Variants in TRIM2 observed in about 807,000 individuals in gnomAD.
The protein encoded by TRIM2 is tripartite motif containing 2, also known as tripartite motif-containing protein 2.
Under a neutral mutation model 75.2 loss-of-function variants are expected in TRIM2, and 20 were observed. The ratio of observed to expected loss-of-function variants is 0.27; its 90% CI spans 0.19 to 0.39. The LOEUF is 0.39. Among genes scored for constraint, TRIM2 ranks in the 10% least tolerant of loss-of-function variants. The probability of loss-of-function intolerance (pLI) is 1.00; values close to 1 mark genes in which losing one functional copy is unlikely to be tolerated. For missense variants in TRIM2, 660 were observed against 990.8 expected, an observed-to-expected ratio of 0.67 and a Z score of 4.48; for synonymous variants, 373 against 388.3, an observed-to-expected ratio of 0.96 and a Z score of 0.46.
intron 10 of TRIM2, among the ~76,000 whole-genome samples, chr4:153,326,991 A>G (rs1025733672): frequency 5.9e-4 from 90 of 151,944 alleles, no homozygotes; most frequent in Middle Eastern, 3.4e-3. Flanking sequence ...AAAAAAAAAA[A>G]AAAAAAAGAA....
chr4:153,172,955 G>C (rs11099874), intron 1 of TRIM2, among the ~76,000 whole-genome samples: 71,798 of 151,574 alleles, frequency 0.47, 17,143 homozygotes, highest in African/African-American at 0.53. Context: ...CAACCCCAGG[G>C]GGTTGGGAAG....
intron 1 of TRIM2, chr4:153,257,690 C>CAGCTACGCGGCAAT: frequency 2.1e-6 from 2 of 948,916 alleles, no homozygotes; most frequent in Non-Finnish European, 3.0e-6. Context: ...TTTTGGATTG[C>CAGCTACGCGGCAAT]CGCGTAGCTG....
chr4:153,322,577 T>A, intron 8 of TRIM2, 71 bp from the exon 9 acceptor site: 1 of 1,522,608 alleles, frequency 6.6e-7, no homozygotes, highest in Non-Finnish European at 8.9e-7. Flanking sequence ...ACAGTGTTTA[T>A]CTTCATGTTC....
At chr4:153,245,502 G>A (rs1748900914) in intron 1 of TRIM2, among the ~76,000 whole-genome samples, 2 of 152,320 alleles carry the variant, frequency 1.3e-5, no homozygotes, top group South Asian at 2.1e-4. Flanking sequence ...GCCTGTTTTT[G>A]TACAACCAGT....
chr4:153,163,493 A>ATATTTTTTTT (rs1390228832), intron 1 of TRIM2, among the ~76,000 whole-genome samples: 2 of 80,878 alleles, frequency 2.5e-5, no homozygotes. Context: ...CTAGATTTAC[A>ATATTTTTTTT]TCTTTTTTTT....
Position 153,338,095 on chromosome 4 carries a change from A to G in TRIM2, c.*3129A>G, listed in dbSNP as rs1445513962. On this transcript the variant is annotated 3_prime_UTR_variant, in exon 12 of 12. Coordinates refer to ENST00000338700, the MANE Select transcript of TRIM2 (RefSeq NM_015271.5). ...TTTACTGTGACTAGATTTGAAGCAA[A>G]TAAATACTCCAGATCCATGCAGCTA... 1 of 985,732 alleles carries G rather than the reference A, an allele frequency of 1.0e-6. No individual in the cohort carries two copies. Among genetic ancestry groups the G allele is most frequent in the Non-Finnish European group, 1.2e-6 (1 of 829,938 alleles). 61.1% of individuals were successfully genotyped at this position (985,732 alleles called of 1,614,324 possible). A position where few individuals can be genotyped will look rare whatever the true frequency, so the allele number is the denominator to read the frequency against.
intron 10 of TRIM2, among the ~76,000 whole-genome samples, chr4:153,327,745 C>T (rs1770561940): frequency 6.6e-6 from 1 of 152,124 alleles, no homozygotes; most frequent in African/African-American, 2.4e-5. Flanking sequence ...CACAGCACTC[C>T]ACTGCTTGAC....
chr4:153,191,357 A>G lies in TRIM2; in HGVS notation c.-49+38087A>G, dbSNP rs184473788. Among the ~76,000 whole-genome samples, 735 of 152,406 alleles carry G rather than the reference A, an allele frequency of 4.8e-3. 4 individuals are homozygous for G. Among genetic ancestry groups the G allele is most frequent in the Non-Finnish European group, 8.5e-3 (575 of 68,036 alleles). On this transcript the variant is annotated intron_variant, in intron 1 of 11. Transcript: ENST00000437508. ...GCTTGGATTAATCATGAGCAAGATC[A>G]TATAGCACAAACACGGCCTTGGGGG...
intron 1 of TRIM2, among the ~76,000 whole-genome samples, chr4:153,206,874 T>TTTTCTTTCTTTCTTTTTTA (rs1735601046): frequency 2.0e-5 from 3 of 151,650 alleles, no homozygotes; most frequent in Admixed American, 6.6e-5. Context: ...TTCCAAGGGG[T>TTTTCTTTCTTTCTTTTTTA]TTTCTTTCTT....
rs567497698 is a variant in TRIM2 at position 153,255,587 on chromosome 4, T to A, written c.31-14748T>A. Reference sequence around the variant, plus strand: ...GGTAGCCTGCTTCCAGTTTTAGAAGTGGGTCCTAATTAAACTGTAAACTTC... The same window carrying A: ...GGTAGCCTGCTTCCAGTTTTAGAAGAGGGTCCTAATTAAACTGTAAACTTC... On this transcript the variant is annotated intron_variant, in intron 1 of 11. Transcript: ENST00000338700. Among the ~76,000 whole-genome samples, 9 of 152,274 alleles carry A rather than the reference T, an allele frequency of 5.9e-5. No individual in the cohort carries two copies. In the South Asian group the frequency reaches 1.9e-3, roughly 32 times the overall value.
rs770933241 is a variant in TRIM2, at chr4:153,322,699, C to A, written c.1834C>A (p.Arg612Ser). The A allele has an allele frequency of 1.2e-6, 2 of 1,613,930 alleles. No homozygotes were observed. Among genetic ancestry groups the A allele is most frequent in the Non-Finnish European group, 1.7e-6 (2 of 1,179,982 alleles). ...GGGACCCAAAGGAGTTTCTGTGGAC[C>A]GCAATGGGCACATTATTGTTGTGGA... ...LMGPKGVSVD[R>S]NGHIIVVDNK... Residue 612 changes from arginine to serine, a missense_variant, in exon 9 of 12, where the codon CGC becomes AGC. This residue lies in a region of TRIM2 where 620 missense variants were observed against 891.0 expected (regional missense o/e 0.70). Coordinates refer to ENST00000338700, the MANE Select transcript of TRIM2 (RefSeq NM_015271.5).
rs1300493234 is a variant in TRIM2, at chr4:153,248,076, G to A, written c.31-22259G>A. On this transcript the variant is annotated intron_variant, in intron 1 of 11. Transcript: ENST00000338700. This position sits in a 1 kb window ranked among gnomAD's most constrained non-coding sequence, Gnocchi z 4.0. ...GGTGACACAGTCTCTGCTCACTGGC[G>A]CGTCCGCCTCTGGGATTCAAGCGAT... 1.3e-5 allele frequency among the ~76,000 whole-genome samples: 2 copies of A among 149,636 alleles called. No individual in the cohort carries two copies. Among genetic ancestry groups the A allele is most frequent in the African/African-American group, 2.5e-5 (1 of 40,432 alleles).
Position 153,295,496 on chromosome 4 carries a change from G to C in TRIM2, c.970G>C (p.Asp324His). The C allele has an allele frequency of 6.2e-7, 1 of 1,614,134 alleles. No homozygotes were observed. Among genetic ancestry groups the C allele is most frequent in the South Asian group, 1.1e-5 (1 of 91,052 alleles). The change falls in exon 6 of 12, where the codon GAC (aspartate) becomes CAC (histidine). Residue 324 changes from aspartate to histidine, a missense_variant. Around this residue, in one of 2 missense-constraint regions of TRIM2, gnomAD observed 620 missense variants for 891.0 expected, o/e 0.70. Coordinates refer to ENST00000338700, the MANE Select transcript of TRIM2 (RefSeq NM_015271.5). This position sits in a 1 kb window ranked among gnomAD's most constrained non-coding sequence, Gnocchi z 7.2. ...QDFPLHPREN[D>H]QLDFIVETEG... The stretch of plus-strand genomic sequence containing the variant: ...CTTCCCCTTGCACCCGCGGGAGAAC[G>C]ACCAGCTGGATTTCATCGTGGAAAC...
At chr4:153,227,203 T>C (rs1225941353) in intron 1 of TRIM2, among the ~76,000 whole-genome samples, 1 of 152,212 alleles carries the variant, frequency 6.6e-6, no homozygotes, top group Non-Finnish European at 1.5e-5. Context: ...GAAAGGTGTG[T>C]TGGTAAAAGG....
chr4:153,217,411 G>T (rs969708728), intron 1 of TRIM2, among the ~76,000 whole-genome samples: 2 of 152,096 alleles, frequency 1.3e-5, no homozygotes, highest in Admixed American at 6.6e-5. Flanking sequence ...TGAAGAAAAG[G>T]CCACCCCAGA....
chr4:153,327,403 C>A (rs948396641), intron 10 of TRIM2, among the ~76,000 whole-genome samples: 2 of 152,200 alleles, frequency 1.3e-5, no homozygotes, highest in African/African-American at 4.8e-5. Context: ...TCTAAAAGGT[C>A]TTGAGATCAT....
chr4:153,329,072 TATC>T lies in TRIM2; in HGVS notation c.2163+405_2163+407del, dbSNP rs1184169729. On this transcript the variant is annotated intron_variant, in intron 11 of 11. Coordinates refer to ENST00000338700, the MANE Select transcript of TRIM2 (RefSeq NM_015271.5). ...CCAAGAAAAATCACAGAAATTTTCATATCATATTGTTGCAAAAATCTTGAATTG... is the reference window on the plus strand; with the variant it reads ...CCAAGAAAAATCACAGAAATTTTCATATATTGTTGCAAAAATCTTGAATTG... Among the ~76,000 whole-genome samples the T allele has an allele frequency of 3.3e-5, 5 of 152,250 alleles. No homozygotes were observed. In the South Asian group the frequency reaches 1.0e-3, roughly 32 times the overall value.
At chr4:153,221,917 GGGAGAGGGAGAAAAGGAACGAAAGAGT>G (rs2149758379) in intron 1 of TRIM2, among the ~76,000 whole-genome samples, 1 of 134,344 alleles carries the variant, frequency 7.4e-6, no homozygotes. Flanking sequence ...AAGGGAGGGA[GGGAGAGGGAGAAAAGGAACGAAAGAGT>G]GAGGAAGGAA....
chr4:153,219,395 C>T (rs1014093904), intron 1 of TRIM2, among the ~76,000 whole-genome samples: 7 of 152,146 alleles, frequency 4.6e-5, no homozygotes, highest in African/African-American at 1.7e-4. Context: ...CTGTGAAGCC[C>T]TACCTTCTTT....
Sources: gnomAD v4.1 joint callset for allele counts (sites outside exome capture counted in the v4.1 genomes callset) on GRCh38, gnomAD v4.1.1 for gene constraint, gnomAD v4.1.1 regional missense constraint, Gnocchi (gnomAD v3.1) non-coding constraint, MANE v1.5 for transcripts, NCBI Gene and HGNC (gene_info 2026-07-23, HGNC 2026-07-21) for gene names.